The following SERAC1 variants were observed in gnomAD, a reference collection of about 807,000 sequenced individuals.
SERAC1 encodes the protein serine active site containing 1.
Under a neutral mutation model 85.7 loss-of-function variants are expected in SERAC1, and 36 were observed. That is an observed-to-expected ratio of 0.42 (90% CI 0.32 to 0.55). The LOEUF (loss-of-function observed/expected upper bound fraction) is 0.55. SERAC1 is among the 20% of genes least tolerant of loss of function. The pLI, the probability that SERAC1 is intolerant of heterozygous loss-of-function variation, is 0.11. For synonymous variants in SERAC1, 242 were observed against 265.3 expected, an observed-to-expected ratio of 0.91 and a Z score of 0.85; for missense variants, 629 against 796.2, an observed-to-expected ratio of 0.79 and a Z score of 2.53.
chr6:158,167,279 C>A (rs1002726178), intron 1 of SERAC1, among the ~76,000 whole-genome samples: 2 of 144,280 alleles, frequency 1.4e-5, no homozygotes, highest in Non-Finnish European at 3.0e-5. Context: ...TGGCTCACAC[C>A]TGTAATCGCA....
At chr6:158,133,902 T>C (rs746187370) in intron 8 of SERAC1, among the ~76,000 whole-genome samples, 2 of 152,250 alleles carry the variant, frequency 1.3e-5, no homozygotes, top group Non-Finnish European at 2.9e-5. Context: ...ATATTCTGCA[T>C]AGTATTCAGT....
In SERAC1 at chr6:158,110,543, C is replaced by T. The variant is rs989775702; in HGVS notation, c.*823G>A. On this transcript the variant is annotated 3_prime_UTR_variant, in exon 17 of 17. Coordinates refer to ENST00000647468, the MANE Select transcript of SERAC1 (RefSeq NM_032861.4). ...ATGCTATAGAGGTCAATTAATACCA[C>T]TTGCAAATGAGCAAGGAAGAAGAAA... is the stretch of plus-strand genomic sequence containing the variant. The T allele has an allele frequency of 2.6e-5, 4 of 152,198 alleles. No individual in the cohort carries two copies. Among genetic ancestry groups the T allele is most frequent in the Non-Finnish European group, 5.9e-5 (4 of 68,036 alleles). 9.4% of individuals were successfully genotyped at this position (152,198 alleles called of 1,614,324 possible). A position where few individuals can be genotyped will look rare whatever the true frequency, so the allele number is the denominator to read the frequency against.
Position 158,117,871 on chromosome 6 carries a change from C to CAATT in SERAC1, c.1309-54_1309-51dup. On this transcript the variant is annotated intron_variant, in intron 12 of 16. Transcript: ENST00000647468. This position sits in a 1 kb window ranked among gnomAD's most constrained non-coding sequence, Gnocchi z 4.3. ...GAACAAGTATGAATCTTCACCACTG[C>CAATT]AATTACTGCCTAGTAAATCAAATTT... 1 of 1,383,712 alleles carries CAATT rather than the reference C, an allele frequency of 7.2e-7. No individual in the cohort carries two copies. The highest frequency in any genetic ancestry group is 1.0e-6 in the Non-Finnish European group (1 of 977,260). The allele number at this position is 1,383,712 out of a possible 1,614,324, so 85.7% of individuals were successfully genotyped here.
At chr6:158,142,412 G>C (rs1784939420) in intron 8 of SERAC1, among the ~76,000 whole-genome samples, 1 of 151,550 alleles carries the variant, frequency 6.6e-6, no homozygotes, top group African/African-American at 2.4e-5. Flanking sequence ...CAATCCTCCT[G>C]CCTCAGCCTC....
At chr6:158,163,433 C>T (rs981046087) in intron 1 of SERAC1, among the ~76,000 whole-genome samples, 4 of 152,164 alleles carry the variant, frequency 2.6e-5, no homozygotes, top group African/African-American at 9.7e-5. Context: ...TGTGGTGGCT[C>T]ATGCCTATAA....
At chr6:158,153,448 G>T (rs748516935) in intron 3 of SERAC1, among the ~76,000 whole-genome samples, 1 of 151,952 alleles carries the variant, frequency 6.6e-6, no homozygotes, top group East Asian at 1.9e-4. Flanking sequence ...CATACAGTAC[G>T]TGTTCCTCTA....
chr6:158,167,657 C>T (rs1048227764), intron 1 of SERAC1, among the ~76,000 whole-genome samples: 2 of 151,928 alleles, frequency 1.3e-5, no homozygotes, highest in African/African-American at 4.8e-5. Flanking sequence ...TTCCTTTAGA[C>T]TTACAGAACA....
intron 3 of SERAC1, among the ~76,000 whole-genome samples, chr6:158,151,567 G>A (rs894843226): frequency 2.6e-5 from 4 of 151,852 alleles, no homozygotes; most frequent in East Asian, 2.0e-4. Flanking sequence ...GACTACAGGC[G>A]CCTGCCACCA....
intron 6 of SERAC1, chr6:158,146,533 C>CGAG (rs1250218979): frequency 1.7e-5 from 5 of 298,568 alleles, no homozygotes; most frequent in Non-Finnish European, 3.2e-5. Flanking sequence ...TTCAGCCTCT[C>CGAG]GAGTAGCTGG....
rs1442687630 is a variant in SERAC1, at chr6:158,161,072, T to C, written c.-1-2708A>G. 2.0e-5 allele frequency: 3 copies of C among 152,192 alleles called. No individual in the cohort carries two copies. In the East Asian group the frequency reaches 5.8e-4, roughly 29 times the overall value. The allele number at this position is 152,192 out of a possible 1,614,324, so 9.4% of individuals were successfully genotyped here. ...ATGTCTAAAAATGCTCTATTTTAGA[T>C]ATACTAAAAAATAGTTGTGTTTGGG... On this transcript the variant is annotated intron_variant, in intron 1 of 16. Coordinates refer to ENST00000647468, the MANE Select transcript of SERAC1 (RefSeq NM_032861.4).
rs143567192 is a variant in SERAC1, at chr6:158,125,367, G to C, written c.1015+2741C>G. Among the ~76,000 whole-genome samples the C allele has an allele frequency of 2.9e-3, 440 of 152,174 alleles. 1 individual carries two copies. The highest frequency in any genetic ancestry group is 0.01 in the African/African-American group (419 of 41,530). On this transcript the variant is annotated intron_variant, in intron 10 of 16. Transcript: ENST00000647468. ...TAAAAGAGGCTTCATGCAACATGCA[G>C]GCTAGCTTGCCCTTCAGTCTTCTGC... is the stretch of plus-strand genomic sequence containing the variant.
Position 158,154,159 on chromosome 6 carries a change from C to CAAAAA in SERAC1, c.128+1151_128+1155dup, listed in dbSNP as rs3041474. ...TGGGTGACAGAGGAAAACTCTGTCT[C>CAAAAA]AAAAAAAAAAAAAAAAAAAAAGAAT... On this transcript the variant is annotated intron_variant, in intron 3 of 16. Coordinates refer to ENST00000647468, the MANE Select transcript of SERAC1 (RefSeq NM_032861.4). 3.7e-3 allele frequency among the ~76,000 whole-genome samples: 247 copies of CAAAAA among 65,960 alleles called. 2 individuals are homozygous for CAAAAA. Among genetic ancestry groups the CAAAAA allele is most frequent in the African/African-American group, 6.5e-3 (110 of 17,048 alleles). 43.3% of individuals were successfully genotyped at this position (65,960 alleles called of 152,430 possible). A position where few individuals can be genotyped will look rare whatever the true frequency, so the allele number is the denominator to read the frequency against.
chr6:158,144,605 C>T (rs886698599), intron 6 of SERAC1, among the ~76,000 whole-genome samples, 185 bp from the exon 7 acceptor site: 6 of 152,196 alleles, frequency 3.9e-5, no homozygotes, highest in Non-Finnish European at 5.9e-5. Context: ...CAGGACTGAT[C>T]TCACAATTCT....
chr6:158,112,686 C>A (rs1362560145), intron 16 of SERAC1: 1 of 151,058 alleles, frequency 6.6e-6, no homozygotes, highest in Non-Finnish European at 1.5e-5. Flanking sequence ...TGCATGCTGT[C>A]CCTAGCCTGA....
At chr6:158,114,560 A>AAGAT (rs2128410444) in intron 15 of SERAC1, 2 of 1,220,788 alleles carry the variant, frequency 1.6e-6, no homozygotes, top group African/African-American at 3.2e-5. Flanking sequence ...TTAAGTATTT[A>AAGAT]AGATAATATT....
chr6:158,145,074 TC>T (rs1319970602), intron 6 of SERAC1, among the ~76,000 whole-genome samples: 1 of 152,126 alleles, frequency 6.6e-6, no homozygotes, highest in East Asian at 1.9e-4. Context: ...TGAAACCCTG[TC>T]TCTACTAAAA....
chr6:158,116,192 G>A lies in SERAC1; in HGVS notation c.1494C>T (p.Ser498=), dbSNP rs753219993. The change falls in exon 14 of 17, where the codon AGC becomes AGT. Residue 498 remains serine (S), a synonymous_variant. Coordinates refer to ENST00000647468, the MANE Select transcript of SERAC1 (RefSeq NM_032861.4). ...GDRPVVWISH[S]MGGLLVKKML... ...AGTTGAAGCCACACTTACCTCCCAT[G>A]CTATGTGATATCCAAACCACTGGCC... 1.2e-6 allele frequency: 2 copies of A among 1,613,560 alleles called. No individual in the cohort carries two copies. Among genetic ancestry groups the A allele is most frequent in the East Asian group, 4.5e-5 (2 of 44,872 alleles).
At chr6:158,150,388 A>C in intron 4 of SERAC1, 65 bp downstream of exon 4, 1 of 1,276,108 alleles carries the variant, frequency 7.8e-7, no homozygotes, top group Non-Finnish European at 1.1e-6. Flanking sequence ...TTTTAAATAG[A>C]CGCATTTTTA....
intron 8 of SERAC1, among the ~76,000 whole-genome samples, chr6:158,137,697 G>A (rs1307512813): frequency 1.3e-5 from 2 of 151,962 alleles, no homozygotes; most frequent in Non-Finnish European, 2.9e-5. Context: ...GCAACATGGC[G>A]AAACCCCGTC....
Sources: gnomAD v4.1 joint callset for allele counts (sites outside exome capture counted in the v4.1 genomes callset) on GRCh38, gnomAD v4.1.1 for gene constraint, Gnocchi (gnomAD v3.1) non-coding constraint, MANE v1.5 for transcripts, NCBI Gene and HGNC (gene_info 2026-07-23, HGNC 2026-07-21) for gene names.